RSF1: variants seen among roughly 807,000 people sequenced by gnomAD.
RSF1 encodes the protein remodeling and spacing factor 1, also known as HBV pX-associated protein 8.
RSF1 carries 13 observed loss-of-function variants against 145.2 expected under a neutral mutation model. The ratio of observed to expected loss-of-function variants is 0.09; its 90% confidence interval spans 0.06 to 0.14. The LOEUF is 0.14. RSF1 is among the 10% of genes least tolerant of loss of function. The pLI, the probability that RSF1 is intolerant of heterozygous loss-of-function variation, is 1.00. For synonymous variants in RSF1, 577 were observed against 592.6 expected, an observed-to-expected ratio of 0.97 and a Z score of 0.38; for missense variants, 1,517 against 1,718.2, an observed-to-expected ratio of 0.88 and a Z score of 2.07.
At chr11:77,670,410 T>C (rs375915024) in intron 15 of RSF1, among the ~76,000 whole-genome samples, 19 of 152,208 alleles carry the variant, frequency 1.2e-4, no homozygotes, top group African/African-American at 4.1e-4. Context: ...AGTGAGGATT[T>C]CCTTAGTATA....
In RSF1 at chr11:77,813,319, T is replaced by G. The variant is rs779061409; in HGVS notation, c.187+7209A>C. On this transcript the variant is annotated intron_variant, in intron 1 of 15. Coordinates refer to ENST00000308488, the MANE Select transcript of RSF1 (RefSeq NM_016578.4). The stretch of plus-strand genomic sequence containing the variant: ...TAATCAATTTATTAAAATAGTTGAC[T>G]TAAGCATCTGCAATGGTGACTTTCA... 3 of 816,306 alleles carry G rather than the reference T, an allele frequency of 3.7e-6. No individual in the cohort carries two copies. The Admixed American group carries it at 5.4e-5, about 15-fold the overall frequency. 50.6% of individuals were successfully genotyped at this position (816,306 alleles called of 1,614,324 possible).
chr11:77,784,807 G>T (rs1390536813), intron 1 of RSF1, among the ~76,000 whole-genome samples: 1 of 152,172 alleles, frequency 6.6e-6, no homozygotes, highest in African/African-American at 2.4e-5. Context: ...CATCTCCAGT[G>T]TAAGTTCTAG....
intron 1 of RSF1, among the ~76,000 whole-genome samples, chr11:77,788,356 A>G (rs900592557): frequency 4.0e-5 from 6 of 151,212 alleles, no homozygotes; most frequent in Non-Finnish European, 8.8e-5. Flanking sequence ...ACTATAATCC[A>G]TATGTTCAAG....
chr11:77,777,762 AC>A (rs1162104119), intron 1 of RSF1, among the ~76,000 whole-genome samples: 1 of 151,958 alleles, frequency 6.6e-6, no homozygotes, highest in Non-Finnish European at 1.5e-5. Flanking sequence ...AGACAGGAGG[AC>A]TGCATCAACC....
chr11:77,675,741 TACTC>T (rs1959684292), intron 13 of RSF1, among the ~76,000 whole-genome samples: 1 of 152,242 alleles, frequency 6.6e-6, no homozygotes, highest in African/African-American at 2.4e-5. Flanking sequence ...CAGCTTTTCA[TACTC>T]ACCTTAACTA....
rs751402232 is a variant in RSF1 at position 77,701,336 on chromosome 11, T to C, written c.1893A>G (p.Pro631=). 3.1e-6 allele frequency: 5 copies of C among 1,614,096 alleles called. No individual in the cohort carries two copies. Among genetic ancestry groups the C allele is most frequent in the Non-Finnish European group, 4.2e-6 (5 of 1,180,016 alleles). The change falls in exon 6 of 16, where the codon CCA becomes CCG. Residue 631 remains proline (P), a synonymous_variant. Transcript: ENST00000308488. The part of the protein sequence containing the change: ...GSPEAAETSP[P]SNIIDHCEKL... ...TCTCACAGTGGTCAATGATATTAGA[T>C]GGTGGAGAAGTTTCAGCTGCCTCAG...
At chr11:77,712,857 C>T (rs760641786) in intron 5 of RSF1, among the ~76,000 whole-genome samples, 1 of 152,170 alleles carries the variant, frequency 6.6e-6, no homozygotes, top group Non-Finnish European at 1.5e-5. Context: ...ACTCTTACTG[C>T]TTTCAATATT....
Position 77,772,038 on chromosome 11 carries a change from T to A in RSF1, c.188-7349A>T, listed in dbSNP as rs1462815949. Among the ~76,000 whole-genome samples the A allele has an allele frequency of 2.6e-5, 4 of 152,238 alleles. No homozygotes were observed. The East Asian group carries it at 7.7e-4, about 29-fold the overall frequency. On this transcript the variant is annotated intron_variant, in intron 1 of 15. Transcript: ENST00000308488. The stretch of plus-strand genomic sequence containing the variant: ...CTGCTTTATGTGTCCTGTATGATGA[T>A]CCCTATGAGTTTATTCATTCTGAAA...
chr11:77,784,364 A>G (rs1250828485), intron 1 of RSF1, among the ~76,000 whole-genome samples: 9 of 150,416 alleles, frequency 6.0e-5, no homozygotes, highest in African/African-American at 1.7e-4. Flanking sequence ...CTTATCTTTC[A>G]TTTCTTTCAT....
chr11:77,734,292 T>G (rs1444887500), intron 4 of RSF1, among the ~76,000 whole-genome samples: 1 of 134,472 alleles, frequency 7.4e-6, no homozygotes, highest in Non-Finnish European at 1.5e-5. Flanking sequence ...ATTTATATTA[T>G]TATTATTACT....
rs767539633 is a variant in RSF1, at chr11:77,664,063, C to A, written c.*2854G>T. On this transcript the variant is annotated 3_prime_UTR_variant, in exon 16 of 16. Coordinates refer to ENST00000308488, the MANE Select transcript of RSF1 (RefSeq NM_016578.4). ...CTATACTTTCTGCAGTTCGTAGTGACTGTATTGTCTTTGTATACAGAACAT... is the reference window on the plus strand; with the variant it reads ...CTATACTTTCTGCAGTTCGTAGTGAATGTATTGTCTTTGTATACAGAACAT... 4.6e-5 allele frequency: 7 copies of A among 152,206 alleles called. No homozygotes were observed. The highest frequency in any genetic ancestry group is 8.8e-5 in the Non-Finnish European group (6 of 68,040). The allele number at this position is 152,206 out of a possible 1,614,324, so 9.4% of individuals were successfully genotyped here.
In RSF1 at chr11:77,816,780, T is replaced by C. The variant is rs1590905396; in HGVS notation, c.187+3748A>G. Among the ~76,000 whole-genome samples the C allele has an allele frequency of 3.9e-5, 6 of 152,180 alleles. No individual in the cohort carries two copies. The East Asian group carries it at 9.6e-4, about 24-fold the overall frequency. ...ATAACCACCATCATCTACCTCCAGTTAGGAGAAACCTGGGGAAGTCCACAC... is the reference window on the plus strand; with the variant it reads ...ATAACCACCATCATCTACCTCCAGTCAGGAGAAACCTGGGGAAGTCCACAC... On this transcript the variant is annotated intron_variant, in intron 1 of 15. Coordinates refer to ENST00000308488, the MANE Select transcript of RSF1 (RefSeq NM_016578.4).
At chr11:77,726,793 C>T (rs1023942090) in intron 4 of RSF1, among the ~76,000 whole-genome samples, 6 of 152,168 alleles carry the variant, frequency 3.9e-5, no homozygotes, top group Admixed American at 1.3e-4. Flanking sequence ...CATATGGCTC[C>T]TACCCTCCTT....
intron 10 of RSF1, among the ~76,000 whole-genome samples, chr11:77,684,047 T>C (rs1959939030): frequency 6.6e-6 from 1 of 152,236 alleles, no homozygotes; most frequent in African/African-American, 2.4e-5. Flanking sequence ...TCTGACGCTT[T>C]TGTGAGATTA....
chr11:77,725,678 C>T lies in RSF1; in HGVS notation c.600G>A (p.Glu200=). Residue 200 remains glutamate, a synonymous_variant, in exon 5 of 16, where the codon GAG becomes GAA. Coordinates refer to ENST00000308488, the MANE Select transcript of RSF1 (RefSeq NM_016578.4). The part of the protein sequence containing the change: ...CIVRNRNELA[E]TLALLKAQID... ...TTTGTGCTTTCAGGAGTGCAAGAGT[C>T]TCAGCCAACTCGTTTCGATTTCTAA... 2 of 1,573,610 alleles carry T rather than the reference C, an allele frequency of 1.3e-6. No individual in the cohort carries two copies. The highest frequency in any genetic ancestry group is 1.7e-6 in the Non-Finnish European group (2 of 1,161,042).
chr11:77,800,835 T>G (rs1204984966), intron 1 of RSF1, among the ~76,000 whole-genome samples: 8 of 151,614 alleles, frequency 5.3e-5, no homozygotes, highest in Admixed American at 1.3e-4. Context: ...GCACTCCAGC[T>G]TGGGCTACAG....
intron 1 of RSF1, among the ~76,000 whole-genome samples, chr11:77,811,293 T>C (rs1316110085): frequency 3.3e-5 from 5 of 152,238 alleles, no homozygotes; most frequent in Non-Finnish European, 5.9e-5. Context: ...CTATAGTAAG[T>C]TGAGGAAAAC....
chr11:77,868,674 TTTGTTG>T, the RSF1 span: 13 of 170,394 alleles, frequency 7.6e-5, no homozygotes, highest in East Asian at 1.1e-3. Context: ...TCCAGAGGTT[TTTGTTG>T]TTGTTGTTGT....
At position 77,660,804 on chromosome 11, in the gene RSF1, T is replaced by C. The variant is rs1184497751; in HGVS notation, c.*6113A>G. 6.6e-6 allele frequency: 1 copy of C among 152,142 alleles called. No individual in the cohort carries two copies. Among genetic ancestry groups the C allele is most frequent in the Non-Finnish European group, 1.5e-5 (1 of 68,016 alleles). The allele number at this position is 152,142 out of a possible 1,614,324, so 9.4% of individuals were successfully genotyped here. A position where few individuals can be genotyped will look rare whatever the true frequency, so the allele number is the denominator to read the frequency against. On this transcript the variant is annotated 3_prime_UTR_variant, in exon 16 of 16. Coordinates refer to ENST00000308488, the MANE Select transcript of RSF1 (RefSeq NM_016578.4). ...AATGAGGATAGCAAAAAACTGACGC[T>C]GGCAACACATGAATATAGCTTTGAT...
Sources: gnomAD v4.1 joint callset for allele counts (sites outside exome capture counted in the v4.1 genomes callset) on GRCh38, gnomAD v4.1.1 for gene constraint, MANE v1.5 for transcripts, NCBI Gene and HGNC (gene_info 2026-07-23, HGNC 2026-07-21) for gene names.